Variants in BNIP5 observed in about 807,000 individuals in gnomAD.
The protein encoded by BNIP5 is BCL2 interacting protein 5, also known as protein BNIP5.
BNIP5 carries 61 observed loss-of-function variants against 67.3 expected under a neutral mutation model. The observed-to-expected ratio is 0.91, with a 90% confidence interval of 0.74 to 1.12. The LOEUF (loss-of-function observed/expected upper bound fraction) is 1.12, where lower values mean the gene tolerates loss of function less well. BNIP5 is among the 50% of genes most tolerant of loss of function. BNIP5 has a pLI of 0.00. For missense variants in BNIP5, 826 were observed against 816.3 expected (o/e 1.01, Z -0.14); for synonymous variants, 317 against 319.0 (o/e 0.99, Z 0.07).
At chr6:36,327,229 A>G (rs1229561861) in intron 3 of BNIP5, 135 bp from the exon 4 acceptor site, 6 of 773,334 alleles carry the variant, frequency 7.8e-6, no homozygotes, top group Admixed American at 4.7e-5. Context: ...TCCCAGGGGC[A>G]GGTTCTTCTG....
chr6:36,324,173 T>C lies in BNIP5; in HGVS notation c.1186A>G (p.Ile396Val). 1 of 1,613,930 alleles carries C rather than the reference T, an allele frequency of 6.2e-7. No individual in the cohort carries two copies. Among genetic ancestry groups the C allele is most frequent in the South Asian group, 1.1e-5 (1 of 91,082 alleles). ...TCTGCATCTTGGAGCATGGAAATGA[T>C]CTTCTGAATGAATTCTTCTGAAAAA... Reference protein sequence around the residue: ...ASEYKEFIQKIISMLQDAEEQ... With the variant: ...ASEYKEFIQKVISMLQDAEEQ... Residue 396 changes from isoleucine (I) to valine (V), a missense_variant, in exon 7 of 12, where the codon ATC (isoleucine) becomes GTC (valine). Ile to Val is a conservative substitution (Grantham distance 29). Transcript: ENST00000437635.
rs1771518035 is a variant in BNIP5, at chr6:36,316,476, T to G, written c.*880A>C. ...CCAGCTGCAAAACTGTCATGATAAA[T>G]CTACAAATCCACAATGTCTAGGACA... On this transcript the variant is annotated 3_prime_UTR_variant, in exon 12 of 12. Transcript: ENST00000437635. 1 of 398,632 alleles carries G rather than the reference T, an allele frequency of 2.5e-6. No individual in the cohort carries two copies. 24.7% of individuals were successfully genotyped at this position (398,632 alleles called of 1,614,324 possible). A position where few individuals can be genotyped will look rare whatever the true frequency, so the allele number is the denominator to read the frequency against.
chr6:36,328,004 C>A (rs553267684), intron 3 of BNIP5, among the ~76,000 whole-genome samples: 12 of 152,322 alleles, frequency 7.9e-5, no homozygotes, highest in African/African-American at 2.9e-4. Flanking sequence ...ATAGCTCCTT[C>A]ATTTCATATA....
chr6:36,331,152 T>C (rs1374441332), intron 1 of BNIP5, among the ~76,000 whole-genome samples: 3 of 152,162 alleles, frequency 2.0e-5, no homozygotes, highest in Non-Finnish European at 4.4e-5. Context: ...CCCACTAACG[T>C]GAGTAGTGTC....
chr6:36,323,100 G>C (rs1354939890), intron 8 of BNIP5, among the ~76,000 whole-genome samples, 193 bp downstream of exon 8: 1 of 152,210 alleles, frequency 6.6e-6, no homozygotes, highest in Non-Finnish European at 1.5e-5. Flanking sequence ...GTGGGGTCCT[G>C]CTGGCACCTG....
At position 36,330,257 on chromosome 6, in the gene BNIP5, C is replaced by T. The variant is rs1042038293; in HGVS notation, c.434G>A (p.Arg145Lys). ...CTTCTTGTCGTGGTGGGCTTTCTTCCTGAGGGCTGGCTCCCCTGCTGCTTC... is the reference window on the plus strand; with the variant it reads ...CTTCTTGTCGTGGTGGGCTTTCTTCTTGAGGGCTGGCTCCCCTGCTGCTTC... ...PLEAAGEPAL[R>K]KKAHHDKKPS... is the part of the protein sequence containing the mutation. The change falls in exon 2 of 12, where the codon AGG becomes AAG. Residue 145 changes from arginine (R) to lysine (K), a missense_variant. By Grantham distance (26) the Arg-to-Lys change is conservative (BLOSUM62 2). Coordinates refer to ENST00000437635, the MANE Select transcript of BNIP5 (RefSeq NM_001010903.5). 1 of 1,614,180 alleles carries T rather than the reference C, an allele frequency of 6.2e-7. No homozygotes were observed. Among genetic ancestry groups the T allele is most frequent in the Non-Finnish European group, 8.5e-7 (1 of 1,180,034 alleles).
chr6:36,334,433 T>C (rs9462173), intron 1 of BNIP5, among the ~76,000 whole-genome samples: 51,569 of 151,996 alleles, frequency 0.34, 10,565 homozygotes, highest in East Asian at 0.59. Context: ...CGTGCTTCAG[T>C]ATTTGATACC....
At chr6:36,335,955 T>C (rs1029917914) in intron 1 of BNIP5, among the ~76,000 whole-genome samples, 6 of 152,118 alleles carry the variant, frequency 3.9e-5, no homozygotes, top group African/African-American at 1.4e-4. Flanking sequence ...GTAATCACAG[T>C]CACATACACA....
chr6:36,316,329 C>T lies in BNIP5; in HGVS notation c.*1027G>A, dbSNP rs1440321050. On this transcript the variant is annotated 3_prime_UTR_variant, in exon 12 of 12. Coordinates refer to ENST00000437635, the MANE Select transcript of BNIP5 (RefSeq NM_001010903.5). ...ATAGATATGAACATGTGGCAAATTT[C>T]ACACCTGAGTCAAGCTATTGAAACT... 4 of 396,294 alleles carry T rather than the reference C, an allele frequency of 1.0e-5. No homozygotes were observed. Among genetic ancestry groups the T allele is most frequent in the Non-Finnish European group, 1.8e-5 (4 of 225,204 alleles). The allele number at this position is 396,294 out of a possible 1,614,324, so 24.5% of individuals were successfully genotyped here.
At chr6:36,335,785 C>T (rs1264184996) in intron 1 of BNIP5, among the ~76,000 whole-genome samples, 5 of 152,234 alleles carry the variant, frequency 3.3e-5, no homozygotes, top group Non-Finnish European at 7.3e-5. Context: ...CGCCCAAGGT[C>T]ACATAGCCGG....
Position 36,330,685 on chromosome 6 carries a change from C to A in BNIP5, c.6G>T (p.Glu2Asp). ...GGGGCCTCCTTGGGCACCTTGGATTCTCCATCGGGCTGCAACCAAAACACA... is the reference window on the plus strand; with the variant it reads ...GGGGCCTCCTTGGGCACCTTGGATTATCCATCGGGCTGCAACCAAAACACA... M[E>D]NPRCPRRPLA... is the part of the protein sequence containing the mutation. The change falls in exon 2 of 12, where the codon GAG becomes GAT. Residue 2 changes from glutamate to aspartate, a missense_variant. Glu to Asp is a conservative substitution (Grantham distance 45). Coordinates refer to ENST00000437635, the MANE Select transcript of BNIP5 (RefSeq NM_001010903.5). The A allele has an allele frequency of 6.4e-7, 1 of 1,557,850 alleles. No homozygotes were observed. Among genetic ancestry groups the A allele is most frequent in the Non-Finnish European group, 8.6e-7 (1 of 1,160,676 alleles).
intron 7 of BNIP5, among the ~76,000 whole-genome samples, chr6:36,323,869 G>A (rs1021153438): frequency 4.6e-5 from 7 of 152,010 alleles, no homozygotes; most frequent in African/African-American, 1.5e-4. Context: ...GTGTGGTGGC[G>A]CATGCCTGTA....
chr6:36,336,271 G>A (rs1400793146), intron 1 of BNIP5, among the ~76,000 whole-genome samples: 1 of 152,112 alleles, frequency 6.6e-6, no homozygotes, highest in Non-Finnish European at 1.5e-5. Flanking sequence ...TTATCAGGGG[G>A]TTCCCTCATG....
In BNIP5 at chr6:36,317,154, T is replaced by C. The variant is rs1028854742; in HGVS notation, c.*202A>G. The C allele has an allele frequency of 4.9e-6, 3 of 613,508 alleles. No homozygotes were observed. Among genetic ancestry groups the C allele is most frequent in the Non-Finnish European group, 2.9e-6 (1 of 343,508 alleles). The allele number at this position is 613,508 out of a possible 1,614,324, so 38.0% of individuals were successfully genotyped here. A position where few individuals can be genotyped will look rare whatever the true frequency, so the allele number is the denominator to read the frequency against. ...AGTCCAGTGCTGATTTCCCCAGACATGGCCTCTGTGTCTTGCCTTGTGGAA... is the reference window on the plus strand; with the variant it reads ...AGTCCAGTGCTGATTTCCCCAGACACGGCCTCTGTGTCTTGCCTTGTGGAA... On this transcript the variant is annotated 3_prime_UTR_variant, in exon 12 of 12. Coordinates refer to ENST00000437635, the MANE Select transcript of BNIP5 (RefSeq NM_001010903.5).
At position 36,326,565 on chromosome 6, in the gene BNIP5, G is replaced by A; in HGVS notation, c.981C>T (p.Ser327=). Residue 327 remains serine (S), a synonymous_variant, in exon 5 of 12, where the codon TCC becomes TCT. Coordinates refer to ENST00000437635, the MANE Select transcript of BNIP5 (RefSeq NM_001010903.5). ...SSPEAWPPKK[S]SFLPLCVSGH... ...CGCTGACACACAGGGGCAGAAAGCT[G>A]GACTTCTTGGGTGGCCAGGCCTCTG... The A allele has an allele frequency of 6.2e-7, 1 of 1,614,260 alleles. No individual in the cohort carries two copies. The highest frequency in any genetic ancestry group is 8.5e-7 in the Non-Finnish European group (1 of 1,180,044).
At chr6:36,332,034 C>T (rs1019018496) in intron 1 of BNIP5, among the ~76,000 whole-genome samples, 21 of 152,150 alleles carry the variant, frequency 1.4e-4, no homozygotes, top group African/African-American at 4.6e-4. Flanking sequence ...GCTGTGGGGG[C>T]TTTTAAAACA....
chr6:36,329,458 C>T (rs749617637), intron 2 of BNIP5, among the ~76,000 whole-genome samples: 60 of 152,178 alleles, frequency 3.9e-4, no homozygotes, highest in Admixed American at 9.8e-4. Context: ...TTGTGAACGG[C>T]GGCACTGTGA....
intron 5 of BNIP5, among the ~76,000 whole-genome samples, chr6:36,325,925 G>C (rs570973945): frequency 3.7e-4 from 56 of 152,312 alleles, no homozygotes; most frequent in Admixed American, 3.5e-3. Context: ...TCATCCATGG[G>C]CCATGTGGCC....
intron 1 of BNIP5, among the ~76,000 whole-genome samples, chr6:36,331,501 G>A (rs1771906731): frequency 6.6e-6 from 1 of 152,052 alleles, no homozygotes; most frequent in African/African-American, 2.4e-5. Context: ...CACTAGCCTT[G>A]GGACTTTGGG....
Sources: gnomAD v4.1 joint callset for allele counts (sites outside exome capture counted in the v4.1 genomes callset) on GRCh38, gnomAD v4.1.1 for gene constraint, MANE v1.5 for transcripts, NCBI Gene and HGNC (gene_info 2026-07-23, HGNC 2026-07-21) for gene names.